PLAC8L1: variants seen among roughly 807,000 people sequenced by gnomAD.
The protein encoded by PLAC8L1 is PLAC8-like protein 1.
PLAC8L1 carries 13 observed loss-of-function variants against 16.3 expected under a neutral mutation model. The observed-to-expected ratio is 0.80, with a 90% confidence interval of 0.52 to 1.27. PLAC8L1 has a LOEUF of 1.27. Ranked by LOEUF, PLAC8L1 falls within the 50% of genes most tolerant of loss-of-function variation. PLAC8L1 has a pLI of 0.00. For missense variants in PLAC8L1, 184 were observed against 220.2 expected, an observed-to-expected ratio of 0.84 and a Z score of 1.04; for synonymous variants, 78 against 79.3, an observed-to-expected ratio of 0.98 and a Z score of 0.09.
intron 1 of PLAC8L1, among the ~76,000 whole-genome samples, chr5:146,101,264 TAC>T (rs201590117): frequency 0.02 from 2,969 of 149,522 alleles, 48 homozygotes; most frequent in Middle Eastern, 0.039. Flanking sequence ...TACATGCACG[TAC>T]AGAGAAAGGC....
intron 2 of PLAC8L1, among the ~76,000 whole-genome samples, chr5:146,093,526 T>G (rs978640184): frequency 2.0e-5 from 3 of 152,122 alleles, no homozygotes; most frequent in Admixed American, 1.3e-4. Flanking sequence ...ACTCGCAATA[T>G]CCCTTCTAAC....
intron 1 of PLAC8L1, chr5:146,103,596 G>A: frequency 1.1e-6 from 1 of 916,664 alleles, no homozygotes; most frequent in Non-Finnish European, 1.3e-6. Flanking sequence ...CAAGATGGTT[G>A]GTGATCCTAA....
chr5:146,090,947 G>C (rs1412377652), intron 2 of PLAC8L1, among the ~76,000 whole-genome samples: 1 of 151,874 alleles, frequency 6.6e-6, no homozygotes, highest in African/African-American at 2.4e-5. Context: ...CCAGCTACTC[G>C]GGAGGCTGAG....
At chr5:146,100,993 A>AGC (rs1763806114) in intron 1 of PLAC8L1, among the ~76,000 whole-genome samples, 2 of 152,232 alleles carry the variant, frequency 1.3e-5, no homozygotes, top group Non-Finnish European at 2.9e-5. Flanking sequence ...TGAGCTCAGG[A>AGC]GCTCGAGACC....
At position 146,085,717 on chromosome 5, in the gene PLAC8L1, A is replaced by G. The variant is rs556296503; in HGVS notation, c.257-120T>C. 55 of 1,104,040 alleles carry G rather than the reference A, an allele frequency of 5.0e-5. 1 individual carries two copies. The highest frequency in any genetic ancestry group is 2.4e-4 in the South Asian group (10 of 40,830). 68.4% of individuals were successfully genotyped at this position (1,104,040 alleles called of 1,614,324 possible). A position where few individuals can be genotyped will look rare whatever the true frequency, so the allele number is the denominator to read the frequency against. On this transcript the variant is annotated intron_variant, in intron 2 of 3. Transcript: ENST00000311450. ...AATGCTGCACTGTCTCCCTGCTATC[A>G]GACTGAGAATAAATAACCAATTCCC... is the stretch of plus-strand genomic sequence containing the variant.
intron 1 of PLAC8L1, 128 bp downstream of exon 1, chr5:146,104,065 G>A: frequency 4.9e-6 from 7 of 1,424,170 alleles, no homozygotes; most frequent in Non-Finnish European, 6.4e-6. Context: ...AGTTTGCATG[G>A]AGAAAAGATA....
intron 2 of PLAC8L1, among the ~76,000 whole-genome samples, chr5:146,091,232 C>T (rs1763614137): frequency 6.6e-6 from 1 of 152,192 alleles, no homozygotes; most frequent in Admixed American, 6.5e-5. Context: ...CACCCTGTAT[C>T]AATGCTTATA....
At chr5:146,087,628 C>G (rs1763538784) in intron 2 of PLAC8L1, among the ~76,000 whole-genome samples, 1 of 152,222 alleles carries the variant, frequency 6.6e-6, no homozygotes, top group African/African-American at 2.4e-5. Flanking sequence ...AAGCGATCCT[C>G]TCATCCTTTC....
In PLAC8L1 at chr5:146,105,562, G is replaced by T. The variant is rs916536160; in HGVS notation, c.-1251C>A. ...TTATAAGAATAACAGAAATTAAGAG[G>T]TGATTACTAGCTTTGCAAAAAAAAA... On this transcript the variant is annotated 5_prime_UTR_variant, in exon 1 of 4. Transcript: ENST00000311450. Among the ~76,000 whole-genome samples the T allele has an allele frequency of 2.0e-5, 2 of 101,484 alleles. No homozygotes were observed. Among genetic ancestry groups the T allele is most frequent in the African/African-American group, 6.7e-5 (2 of 30,060 alleles). 66.6% of individuals were successfully genotyped at this position (101,484 alleles called of 152,430 possible). A position where few individuals can be genotyped will look rare whatever the true frequency, so the allele number is the denominator to read the frequency against.
intron 2 of PLAC8L1, among the ~76,000 whole-genome samples, chr5:146,088,204 C>T (rs950363130): frequency 4.6e-5 from 7 of 152,164 alleles, no homozygotes; most frequent in Admixed American, 3.9e-4. Context: ...TCAAGCAATC[C>T]GCCCATTTTG....
At chr5:146,101,857 CTT>C (rs1763823330) in intron 1 of PLAC8L1, among the ~76,000 whole-genome samples, 1 of 152,152 alleles carries the variant, frequency 6.6e-6, no homozygotes, top group Non-Finnish European at 1.5e-5. Context: ...CTTCAATCGT[CTT>C]TTAGTAGAGG....
chr5:146,094,334 C>T (rs976946977), intron 2 of PLAC8L1, among the ~76,000 whole-genome samples: 3 of 152,172 alleles, frequency 2.0e-5, no homozygotes, highest in Admixed American at 2.0e-4. Context: ...CCCACCTCGG[C>T]CTCCCAAAGT....
At chr5:146,102,232 A>G (rs1037428342) in intron 1 of PLAC8L1, among the ~76,000 whole-genome samples, 1 of 151,498 alleles carries the variant, frequency 6.6e-6, no homozygotes, top group Non-Finnish European at 1.5e-5. Flanking sequence ...ATTTTTTTTA[A>G]TTTTTTGTAG....
At chr5:146,098,070 CT>C in intron 2 of PLAC8L1, 85 bp downstream of exon 2, 5 of 1,412,000 alleles carry the variant, frequency 3.5e-6, no homozygotes, top group Non-Finnish European at 4.8e-6. Context: ...AATTTCTGTC[CT>C]TGTGCCTGCT....
intron 2 of PLAC8L1, among the ~76,000 whole-genome samples, chr5:146,087,044 T>C (rs966959590): frequency 2.6e-5 from 4 of 152,232 alleles, no homozygotes; most frequent in Middle Eastern, 3.2e-3. Context: ...AGCCCTCCCG[T>C]TGCCCACTAG....
chr5:146,104,454 G>A lies in PLAC8L1; in HGVS notation c.-143C>T. 5 of 684,270 alleles carry A rather than the reference G, an allele frequency of 7.3e-6. No homozygotes were observed. The South Asian group carries it at 8.0e-5, about 11-fold the overall frequency. 42.4% of individuals were successfully genotyped at this position (684,270 alleles called of 1,614,324 possible). A position where few individuals can be genotyped will look rare whatever the true frequency, so the allele number is the denominator to read the frequency against. On this transcript the variant is annotated 5_prime_UTR_variant, in exon 1 of 4. Transcript: ENST00000311450. ...TTCTGGAACCTGAGGTCATAGCAGT[G>A]TAACTAACAGACATCTTTTTTCTTT...
rs559186284 is a variant in PLAC8L1 at position 146,084,405 on chromosome 5, G to C, written c.*27C>G. ...AGAGGTTTGAGAGGAGGGTGTTGGG[G>C]AGTAAGGAGGAGGAGTTATCTTGCT... On this transcript the variant is annotated 3_prime_UTR_variant, in exon 4 of 4. Transcript: ENST00000311450. The C allele has an allele frequency of 2.8e-5, 45 of 1,611,508 alleles. No individual in the cohort carries two copies. In the African/African-American group the frequency reaches 5.1e-4, roughly 18 times the overall value.
At chr5:146,088,091 A>G (rs985550656) in intron 2 of PLAC8L1, among the ~76,000 whole-genome samples, 6 of 152,152 alleles carry the variant, frequency 3.9e-5, no homozygotes, top group Non-Finnish European at 7.4e-5. Flanking sequence ...TTACAATCCT[A>G]TGAGATTTGT....
At chr5:146,093,125 T>C (rs1763650251) in intron 2 of PLAC8L1, among the ~76,000 whole-genome samples, 1 of 151,726 alleles carries the variant, frequency 6.6e-6, no homozygotes, top group Non-Finnish European at 1.5e-5. Flanking sequence ...TTTTCTTTTA[T>C]AGTTTTTTGC....
Sources: allele counts gnomAD v4.1 joint callset (sites outside exome capture counted in the v4.1 genomes callset), GRCh38; gene constraint gnomAD v4.1.1; transcripts MANE v1.5; gene names NCBI Gene and HGNC (gene_info 2026-07-23, HGNC 2026-07-21).